The following INTU variants were observed in gnomAD, a reference collection of about 807,000 sequenced individuals.
INTU encodes the protein protein inturned.
A neutral mutation model predicts 100.5 loss-of-function variants in INTU; 68 were observed. The observed-to-expected ratio is 0.68, with a 90% CI of 0.56 to 0.83. INTU has a LOEUF of 0.83. Ranked by LOEUF, INTU falls within the 40% of genes least tolerant of loss-of-function variation. The pLI, the probability that INTU is intolerant of heterozygous loss-of-function variation, is 0.00. For missense variants in INTU, 1,071 were observed against 1,114.7 expected (o/e 0.96, Z 0.56); for synonymous variants, 357 against 395.7 (o/e 0.90, Z 1.16).
At chr4:127,669,699 G>A (rs1728839070) in intron 5 of INTU, among the ~76,000 whole-genome samples, 1 of 151,758 alleles carries the variant, frequency 6.6e-6, no homozygotes. Context: ...CATAATCTGT[G>A]AATTTTCCTG....
At chr4:127,688,564 C>G (rs911964161) in intron 8 of INTU, among the ~76,000 whole-genome samples, 1 of 152,278 alleles carries the variant, frequency 6.6e-6, no homozygotes. Context: ...GGCTATGTTA[C>G]AGTAGAAACC....
At chr4:127,648,376 T>A (rs770131414) in intron 2 of INTU, among the ~76,000 whole-genome samples, 5 of 152,124 alleles carry the variant, frequency 3.3e-5, no homozygotes, top group Non-Finnish European at 7.4e-5. Flanking sequence ...AATGGGAAAA[T>A]TTTCTACTAA....
rs1194638511 is a variant in INTU, at chr4:127,710,960, A to T, written c.2417A>T (p.Glu806Val). 1.3e-6 allele frequency: 2 copies of T among 1,555,814 alleles called. No homozygotes were observed. The highest frequency in any genetic ancestry group is 1.8e-6 in the Non-Finnish European group (2 of 1,141,512). ...ENTLFHYVAL[E>V]TVQGIFITPT... ...ACACTTTTCCACTACGTTGCCTTAG[A>T]AACAGTGCAAGGAATCTTTATTACT... The change falls in exon 14 of 16, where the codon GAA becomes GTA. Residue 806 changes from glutamate (E) to valine (V), a missense_variant. By Grantham distance (121) the Glu-to-Val change is moderately radical (BLOSUM62 -2). Transcript: ENST00000335251.
intron 14 of INTU, among the ~76,000 whole-genome samples, chr4:127,711,521 C>T (rs1261578860): frequency 2.0e-5 from 3 of 152,114 alleles, no homozygotes; most frequent in African/African-American, 7.2e-5. Context: ...CAGGGGTCCC[C>T]AACCCCCCTG....
intron 2 of INTU, among the ~76,000 whole-genome samples, chr4:127,653,778 G>C (rs1016483940): frequency 6.6e-6 from 1 of 151,514 alleles, no homozygotes; most frequent in Non-Finnish European, 1.5e-5. Context: ...GGGTATCCTT[G>C]TTGACGTTCT....
intron 8 of INTU, chr4:127,699,406 G>A (rs1235868598): frequency 1.3e-5 from 2 of 152,088 alleles, no homozygotes; most frequent in Non-Finnish European, 2.9e-5. Context: ...TAACTCTGTG[G>A]GGTAGTTGAA....
intron 1 of INTU, among the ~76,000 whole-genome samples, chr4:127,636,881 C>A (rs541814992): frequency 1.3e-5 from 2 of 152,256 alleles, no homozygotes; most frequent in Middle Eastern, 3.4e-3. Context: ...AACCCTGACT[C>A]CTTTTTACTT....
At chr4:127,666,484 G>A (rs1472548808) in intron 4 of INTU, among the ~76,000 whole-genome samples, 1 of 152,112 alleles carries the variant, frequency 6.6e-6, no homozygotes, top group African/African-American at 2.4e-5. Flanking sequence ...GAGGGTATGG[G>A]CTTAATACAG....
intron 6 of INTU, among the ~76,000 whole-genome samples, chr4:127,677,838 A>G (rs974646586): frequency 2.0e-5 from 3 of 152,218 alleles, no homozygotes; most frequent in Non-Finnish European, 4.4e-5. Context: ...AAGGCAAAGA[A>G]GTTGAAAACT....
intron 1 of INTU, among the ~76,000 whole-genome samples, chr4:127,638,426 C>G (rs1162108543): frequency 6.6e-6 from 1 of 152,142 alleles, no homozygotes; most frequent in Non-Finnish European, 1.5e-5. Context: ...TGTTTTATAA[C>G]TCCTTTCTTG....
chr4:127,675,855 T>C (rs2126214862), intron 6 of INTU: 1 of 267,710 alleles, frequency 3.7e-6, no homozygotes, highest in South Asian at 3.5e-5. Context: ...TTAAAAGTGA[T>C]ACACTGCCAT....
At chr4:127,685,605 C>A in intron 7 of INTU, 1 of 329,010 alleles carries the variant, frequency 3.0e-6, no homozygotes, top group Non-Finnish European at 6.1e-6. Context: ...ATAAATAGTG[C>A]TTTTACCTTT....
At chr4:127,681,372 C>G (rs1031511963) in intron 6 of INTU, among the ~76,000 whole-genome samples, 1 of 152,174 alleles carries the variant, frequency 6.6e-6, no homozygotes, top group African/African-American at 2.4e-5. Context: ...GCTACAGTAA[C>G]CACAACAGCA....
At chr4:127,700,198 A>G in intron 9 of INTU, 135 bp downstream of exon 9, 1 of 672,392 alleles carries the variant, frequency 1.5e-6, no homozygotes, top group South Asian at 2.8e-5. Flanking sequence ...GACAGTGACA[A>G]AATCTATTTT....
At chr4:127,687,942 A>G in intron 8 of INTU, 75 bp downstream of exon 8, 1 of 1,032,374 alleles carries the variant, frequency 9.7e-7, no homozygotes, top group Non-Finnish European at 1.3e-6. Context: ...TTTTTTTCGT[A>G]GACTTTTTGT....
chr4:127,643,588 G>A lies in INTU; in HGVS notation c.214G>A (p.Glu72Lys), dbSNP rs770076946. The change falls in exon 2 of 16, where the codon GAG (glutamate) becomes AAG (lysine). Residue 72 changes from glutamate to lysine, a missense_variant. Physicochemically the swap from Glu to Lys is moderately conservative, Grantham distance 56 (BLOSUM62 1). Coordinates refer to ENST00000335251, the MANE Select transcript of INTU (RefSeq NM_015693.4). ...NGELFYLELS[E>K]DEEESLLPET... ...AGAGCTGTTTTATTTGGAATTGAGT[G>A]AGGATGAAGAAGAAAGCCTCCTTCC... 5 of 1,612,702 alleles carry A rather than the reference G, an allele frequency of 3.1e-6. No individual in the cohort carries two copies. The African/African-American group carries it at 5.4e-5, about 17-fold the overall frequency.
chr4:127,688,939 CCTTT>C (rs141498626), intron 8 of INTU, among the ~76,000 whole-genome samples: 1 of 87,384 alleles, frequency 1.1e-5, no homozygotes, highest in South Asian at 4.9e-4. Context: ...ATTACCCTTT[CCTTT>C]CTTTCTTTCT....
rs937638448 is a variant in INTU, at chr4:127,720,075, G to A, written c.*3639G>A. On this transcript the variant is annotated 3_prime_UTR_variant, in exon 16 of 16. Coordinates refer to ENST00000335251, the MANE Select transcript of INTU (RefSeq NM_015693.4). ...TAGTTCTTTTAGTTGTGATACTAGG[G>A]TGTCGATTTGAGATCTTTCTAGCTT... The A allele has an allele frequency of 6.6e-6, 1 of 151,994 alleles. No homozygotes were observed. The highest frequency in any genetic ancestry group is 1.5e-5 in the Non-Finnish European group (1 of 67,986). The allele number at this position is 151,994 out of a possible 1,614,324, so 9.4% of individuals were successfully genotyped here. A position where few individuals can be genotyped will look rare whatever the true frequency, so the allele number is the denominator to read the frequency against.
At chr4:127,680,845 A>G (rs1187295375) in intron 6 of INTU, among the ~76,000 whole-genome samples, 2 of 152,004 alleles carry the variant, frequency 1.3e-5, no homozygotes, top group South Asian at 2.1e-4. Flanking sequence ...TTGTATATCT[A>G]GAAAACCCCA....
Sources: gnomAD v4.1 joint callset for allele counts (sites outside exome capture counted in the v4.1 genomes callset) on GRCh38, gnomAD v4.1.1 for gene constraint, MANE v1.5 for transcripts, NCBI Gene and HGNC (gene_info 2026-07-23, HGNC 2026-07-21) for gene names.